CCDC174: variants seen among roughly 807,000 people sequenced by gnomAD.
CCDC174 encodes coiled-coil domain containing 174.
In CCDC174, 37 loss-of-function variants were observed where a neutral mutation model predicts 57.1. That is an observed-to-expected ratio of 0.65 (90% CI 0.50 to 0.85). The LOEUF (loss-of-function observed/expected upper bound fraction) is 0.85. Ranked by LOEUF, CCDC174 falls within the 40% of genes least tolerant of loss-of-function variation. The pLI is 0.00. For missense variants in CCDC174, 540 were observed against 574.3 expected, an observed-to-expected ratio of 0.94 and a Z score of 0.61; for synonymous variants, 182 against 190.2, an observed-to-expected ratio of 0.96 and a Z score of 0.35.
At chr3:14,653,423 C>T (rs1188199179) in intron 1 of CCDC174, among the ~76,000 whole-genome samples, 1 of 152,186 alleles carries the variant, frequency 6.6e-6, no homozygotes, top group African/African-American at 2.4e-5. Flanking sequence ...TAAATGGTTA[C>T]CTTTTAAATC....
rs765388143 is a variant in CCDC174 at position 14,655,638 on chromosome 3, A to G, written c.248+9A>G. ...ACTTTAGACAAAGCAAGGTAAAGTT[A>G]TAAGCTCTGGTAAATATAGTTAGCT... is the stretch of plus-strand genomic sequence containing the variant. On this transcript the variant is annotated intron_variant, in intron 3 of 10. Transcript: ENST00000383794. 4.5e-6 allele frequency: 7 copies of G among 1,561,702 alleles called. No individual in the cohort carries two copies. Among genetic ancestry groups the G allele is most frequent in the Admixed American group, 3.5e-5 (2 of 57,528 alleles).
In CCDC174 at chr3:14,668,065, C is replaced by G. The variant is rs1414776541; in HGVS notation, c.836C>G (p.Thr279Arg). 1 of 1,589,854 alleles carries G rather than the reference C, an allele frequency of 6.3e-7. No individual in the cohort carries two copies. Among genetic ancestry groups the G allele is most frequent in the East Asian group, 2.3e-5 (1 of 43,784 alleles). Residue 279 changes from threonine to arginine, a missense_variant, in exon 9 of 11, where the codon ACA becomes AGA. Physicochemically the swap from Thr to Arg is moderately conservative, Grantham distance 71. Coordinates refer to ENST00000383794, the MANE Select transcript of CCDC174 (RefSeq NM_016474.5). ...TCTGTTCAGACAACAGATCAGAGAA[C>G]AAAACGAGAAAACATAAAGGAAAAG... ...MLREQTTDQR[T>R]KRENIKEKRK...
chr3:14,662,651 TGC>T (rs1278952391), intron 5 of CCDC174, among the ~76,000 whole-genome samples: 8 of 152,228 alleles, frequency 5.3e-5, no homozygotes, highest in African/African-American at 1.9e-4. Flanking sequence ...CCCATCCTCT[TGC>T]CTTTGGGATT....
Position 14,668,127 on chromosome 3 carries a change from C to G in CCDC174, c.898C>G (p.Arg300Gly), listed in dbSNP as rs188391692. Residue 300 changes from arginine to glycine, a missense_variant, in exon 9 of 11, where the codon CGA becomes GGA. Transcript: ENST00000383794. ...CTTAGAGGCAAGACTTGCCAAACTT[C>G]GACAAAAAAAGATGAAAAAATCAAA... ...AILEARLAKL[R>G]QKKMKKSKEG... is the part of the protein sequence containing the mutation. The G allele has an allele frequency of 1.2e-6, 2 of 1,605,092 alleles. No individual in the cohort carries two copies. The highest frequency in any genetic ancestry group is 1.7e-5 in the Admixed American group (1 of 58,920).
At chr3:14,653,892 GCTA>G (rs1412214254) in intron 1 of CCDC174, among the ~76,000 whole-genome samples, 1 of 152,332 alleles carries the variant, frequency 6.6e-6, no homozygotes, top group African/African-American at 2.4e-5. Context: ...GAACTTATGT[GCTA>G]CTTTCTTCCA....
chr3:14,668,101 T>C lies in CCDC174; in HGVS notation c.872T>C (p.Ile291Thr). 6.2e-7 allele frequency: 1 copy of C among 1,609,546 alleles called. No homozygotes were observed. Among genetic ancestry groups the C allele is most frequent in the Non-Finnish European group, 8.5e-7 (1 of 1,178,128 alleles). The change falls in exon 9 of 11, where the codon ATC (isoleucine) becomes ACC (threonine). Residue 291 changes from isoleucine (I) to threonine (T), a missense_variant. Physicochemically the swap from Ile to Thr is moderately conservative, Grantham distance 89 (BLOSUM62 -1). Transcript: ENST00000383794. ...AACATAAAGGAAAAGCGAAAGGCTA[T>C]CTTAGAGGCAAGACTTGCCAAACTT... ...RENIKEKRKA[I>T]LEARLAKLRQ...
At position 14,668,070 on chromosome 3, in the gene CCDC174, C is replaced by G. The variant is rs776693790; in HGVS notation, c.841C>G (p.Arg281Gly). Residue 281 changes from arginine to glycine, a missense_variant, in exon 9 of 11, where the codon CGA (arginine) becomes GGA (glycine). Arg to Gly is a moderately radical substitution (Grantham distance 125). Transcript: ENST00000383794. ...REQTTDQRTK[R>G]ENIKEKRKAI... ...TCAGACAACAGATCAGAGAACAAAACGAGAAAACATAAAGGAAAAGCGAAA... is the reference window on the plus strand; with the variant it reads ...TCAGACAACAGATCAGAGAACAAAAGGAGAAAACATAAAGGAAAAGCGAAA... The G allele has an allele frequency of 6.3e-6, 10 of 1,587,972 alleles. No homozygotes were observed. Among genetic ancestry groups the G allele is most frequent in the Non-Finnish European group, 8.6e-6 (10 of 1,169,112 alleles).
chr3:14,661,255 G>C (rs1052288863), intron 4 of CCDC174, among the ~76,000 whole-genome samples: 1 of 152,222 alleles, frequency 6.6e-6, no homozygotes, highest in African/African-American at 2.4e-5. Flanking sequence ...AGACTGTTGT[G>C]TTATCTTAAA....
At position 14,668,157 on chromosome 3, in the gene CCDC174, G is replaced by T. The variant is rs773281623; in HGVS notation, c.928G>T (p.Gly310Cys). 6.2e-7 allele frequency: 1 copy of T among 1,611,196 alleles called. No homozygotes were observed. The highest frequency in any genetic ancestry group is 1.1e-5 in the South Asian group (1 of 90,276). ...RQKKMKKSKE[G>C]GTEEENRDGD... ...AAAAAAGATGAAAAAATCAAAAGAA[G>T]GTGGAACAGAAGAAGAAAATAGAGG... is the stretch of plus-strand genomic sequence containing the variant. The change falls in exon 9 of 11, where the codon GGT becomes TGT. Residue 310 changes from glycine to cysteine, a missense_variant. By Grantham distance (159) the Gly-to-Cys change is radical (BLOSUM62 -3). Transcript: ENST00000383794.
chr3:14,651,835 C>G lies in CCDC174; in HGVS notation c.-2C>G. The G allele has an allele frequency of 6.2e-7, 1 of 1,614,020 alleles. No individual in the cohort carries two copies. Among genetic ancestry groups the G allele is most frequent in the Non-Finnish European group, 8.5e-7 (1 of 1,179,970 alleles). ...CCTGGACCGGGACCCTCTGCCACGA[C>G]CATGGACCGTAGGAAAAAGCCTTTG... On this transcript the variant is annotated 5_prime_UTR_variant, in exon 1 of 11. Coordinates refer to ENST00000383794, the MANE Select transcript of CCDC174 (RefSeq NM_016474.5).
intron 9 of CCDC174, among the ~76,000 whole-genome samples, chr3:14,668,687 T>G: frequency 2.0e-5 from 1 of 50,450 alleles, no homozygotes. Context: ...TTAAATGCTA[T>G]GTCAGACTAG....
In CCDC174 at chr3:14,651,798, G is replaced by A. The variant is rs978778108; in HGVS notation, c.-39G>A. The A allele has an allele frequency of 6.2e-7, 1 of 1,611,704 alleles. No individual in the cohort carries two copies. Among genetic ancestry groups the A allele is most frequent in the Non-Finnish European group, 8.5e-7 (1 of 1,177,888 alleles). On this transcript the variant is annotated 5_prime_UTR_variant, in exon 1 of 11. Transcript: ENST00000383794. ...AGGCTTACGAGGCCTGTGTCGGGTA[G>A]AAAGGGTCCTTCCTGGACCGGGACC...
Position 14,672,626 on chromosome 3 carries a change from C to CT in CCDC174, c.*1439dup, listed in dbSNP as rs1559385420. The CT allele has an allele frequency of 6.6e-6, 1 of 152,152 alleles. No individual in the cohort carries two copies. The highest frequency in any genetic ancestry group is 2.1e-4 in the South Asian group (1 of 4,828). 9.4% of individuals were successfully genotyped at this position (152,152 alleles called of 1,614,324 possible). On this transcript the variant is annotated 3_prime_UTR_variant, in exon 11 of 11. Transcript: ENST00000383794. ...TTCTGTCAGCCTAATCGGGTAATTG[C>CT]TTTTTTTAATAAATACACATAAAAA...
At chr3:14,665,256 T>TTGAC (rs1418751584) in intron 6 of CCDC174, 133 bp downstream of exon 6, 3 of 682,196 alleles carry the variant, frequency 4.4e-6, no homozygotes, top group South Asian at 1.8e-5. Flanking sequence ...GATTGATTGA[T>TTGAC]TGATTGAAGC....
chr3:14,668,271 C>G (rs1029033222), intron 9 of CCDC174, 90 bp downstream of exon 9: 1 of 1,297,668 alleles, frequency 7.7e-7, no homozygotes, highest in African/African-American at 1.5e-5. Flanking sequence ...TGAAAATTAG[C>G]CATTTAGTTT....
At chr3:14,665,460 C>T (rs1005305424) in intron 6 of CCDC174, among the ~76,000 whole-genome samples, 1 of 152,202 alleles carries the variant, frequency 6.6e-6, no homozygotes, top group African/African-American at 2.4e-5. Context: ...GATTATCCCA[C>T]AAACAAGTGG....
intron 4 of CCDC174, among the ~76,000 whole-genome samples, chr3:14,660,929 C>T (rs888809631): frequency 4.6e-5 from 7 of 152,112 alleles, no homozygotes; most frequent in African/African-American, 1.4e-4. Context: ...TTTAGCTCCT[C>T]GAGTGGACCA....
chr3:14,657,308 A>G (rs2030990809), intron 3 of CCDC174, among the ~76,000 whole-genome samples: 1 of 152,064 alleles, frequency 6.6e-6, no homozygotes, highest in African/African-American at 2.4e-5. Context: ...GGCCTTGGGC[A>G]AGTTAGTTAT....
At chr3:14,662,760 C>T (rs1348149723) in intron 5 of CCDC174, among the ~76,000 whole-genome samples, 5 of 152,202 alleles carry the variant, frequency 3.3e-5, no homozygotes, top group Non-Finnish European at 7.3e-5. Flanking sequence ...CATCTTTTGT[C>T]AGCCTTTGGC....
Sources: gnomAD v4.1 joint callset for allele counts (sites outside exome capture counted in the v4.1 genomes callset) on GRCh38, gnomAD v4.1.1 for gene constraint, MANE v1.5 for transcripts, NCBI Gene and HGNC (gene_info 2026-07-23, HGNC 2026-07-21) for gene names.